Variants in REV3L observed in about 807,000 individuals in gnomAD.
The protein encoded by REV3L is DNA polymerase zeta catalytic subunit.
Under a neutral mutation model 299.4 loss-of-function variants are expected in REV3L, and 69 were observed. The observed-to-expected ratio is 0.23, with a 90% CI of 0.19 to 0.28. The LOEUF is 0.28. REV3L is among the 10% of genes least tolerant of loss of function. REV3L has a pLI of 1.00. For synonymous variants in REV3L, 1,238 were observed against 1,271.4 expected (o/e 0.97, Z 0.56); for missense variants, 3,128 against 3,693.8 (o/e 0.85, Z 3.97).
chr6:111,358,907 T>A lies in REV3L; in HGVS notation c.6987A>T (p.Ser2329=), dbSNP rs1369468348. 1.2e-6 allele frequency: 2 copies of A among 1,614,034 alleles called. No individual in the cohort carries two copies. The highest frequency in any genetic ancestry group is 2.2e-5 in the East Asian group (1 of 44,888). ...CTGTATCTGGCAGTGGAGTGTCAGA[T>A]GAGATGCAGTAGAACAGAGCACAGA... The part of the protein sequence containing the change: ...DPICALFYCI[S]SDTPLPDTEK... The change falls in exon 17 of 32, where the codon TCA becomes TCT. Residue 2329 remains serine (S), a synonymous_variant. Coordinates refer to ENST00000368802, the MANE Select transcript of REV3L (RefSeq NM_001372078.1).
chr6:111,408,652 A>AAAACAAAAC (rs1783910805), intron 3 of REV3L, among the ~76,000 whole-genome samples: 2 of 114,200 alleles, frequency 1.8e-5, no homozygotes, highest in East Asian at 2.9e-4. Context: ...CAAAACAAAA[A>AAAACAAAAC]CAACATTATT....
rs568488622 is a variant in REV3L at position 111,458,286 on chromosome 6, A to G, written c.139+24464T>C. On this transcript the variant is annotated intron_variant, in intron 1 of 31. Coordinates refer to ENST00000368802, the MANE Select transcript of REV3L (RefSeq NM_001372078.1). ...TCAATAAACTAGGTATCAAAGGAAT[A>G]TATCTAAGAGCCATTTATGACACAC... Among the ~76,000 whole-genome samples, 361 of 152,022 alleles carry G rather than the reference A, an allele frequency of 2.4e-3. 2 individuals carry two copies. Among genetic ancestry groups the G allele is most frequent in the African/African-American group, 8.5e-3 (353 of 41,534 alleles).
intron 4 of REV3L, among the ~76,000 whole-genome samples, chr6:111,399,673 C>G (rs1272697574): frequency 6.6e-6 from 1 of 151,902 alleles, no homozygotes; most frequent in Non-Finnish European, 1.5e-5. Flanking sequence ...CATGAGTAGA[C>G]TGGGGTTACG....
chr6:111,358,933 T>C lies in REV3L; in HGVS notation c.6961A>G (p.Ile2321Val), dbSNP rs1427404541. The change falls in exon 17 of 32, where the codon ATC becomes GTC. Residue 2321 changes from isoleucine (I) to valine (V), a missense_variant. Around this residue, in one of 9 missense-constraint regions of REV3L, gnomAD observed 82 missense variants for 142.7 expected, o/e 0.57. Transcript: ENST00000368802. ...GAGATGCAGTAGAACAGAGCACAGA[T>C]TGGGTCAAATTCAGGATCCGGTTCT... ...DLEPDPEFDP[I>V]CALFYCISSD... The C allele has an allele frequency of 2.5e-6, 4 of 1,614,058 alleles. No individual in the cohort carries two copies. Among genetic ancestry groups the C allele is most frequent in the East Asian group, 2.2e-5 (1 of 44,860 alleles).
intron 1 of REV3L, among the ~76,000 whole-genome samples, chr6:111,475,022 C>CACAT (rs1455168117): frequency 8.4e-5 from 12 of 142,650 alleles, no homozygotes; most frequent in African/African-American, 3.0e-4. Flanking sequence ...CACACACACA[C>CACAT]ATATGGATTT....
At chr6:111,444,402 TTTAAA>T (rs1031329066) in intron 1 of REV3L, among the ~76,000 whole-genome samples, 22 of 152,262 alleles carry the variant, frequency 1.4e-4, no homozygotes, top group African/African-American at 5.3e-4. Context: ...AAGCTATGAC[TTTAAA>T]TTAAAATGGC....
chr6:111,326,875 G>A (rs1317974438), intron 25 of REV3L, among the ~76,000 whole-genome samples: 4 of 151,058 alleles, frequency 2.6e-5, no homozygotes, highest in Non-Finnish European at 1.5e-5. Context: ...ACTTATTCAT[G>A]AGAGGCTCTT....
chr6:111,310,047 G>A lies in REV3L; in HGVS notation c.8848C>T (p.Pro2950Ser), dbSNP rs1390585234. The A allele has an allele frequency of 3.7e-6, 6 of 1,606,724 alleles. No individual in the cohort carries two copies. The highest frequency in any genetic ancestry group is 5.1e-6 in the Non-Finnish European group (6 of 1,176,056). ...GGGGTCCCATAAATGATGACGTATG[G>A]CACTCGCTCCCCAACCTGAGGCTCA... ...RSEPQVGERVPYVIIYGTPGV... is the reference protein window; with the variant it reads ...RSEPQVGERVSYVIIYGTPGV... Residue 2950 changes from proline (P) to serine (S), a missense_variant, in exon 30 of 32, where the codon CCA becomes TCA. Pro to Ser is a moderately conservative substitution (Grantham distance 74). Transcript: ENST00000368802.
rs1042312375 is a variant in REV3L, at chr6:111,456,448, T to C, written c.139+26302A>G. 2.6e-5 allele frequency among the ~76,000 whole-genome samples: 4 copies of C among 152,302 alleles called. 1 individual carries two copies. In the South Asian group the frequency reaches 8.3e-4, roughly 32 times the overall value. On this transcript the variant is annotated intron_variant, in intron 1 of 31. Coordinates refer to ENST00000368802, the MANE Select transcript of REV3L (RefSeq NM_001372078.1). The stretch of plus-strand genomic sequence containing the variant: ...TGAGGCTTTCTGCCAAAAAAGCAAA[T>C]GCTTCACGGATTTGGCTCCTTGTCT...
At chr6:111,482,665 GGCGTGTGC>G (rs1022115536) in intron 1 of REV3L, 77 bp downstream of exon 1, 84 of 855,920 alleles carry the variant, frequency 9.8e-5, no homozygotes, top group East Asian at 5.3e-4. Context: ...CGGCGCCGGT[GGCGTGTGC>G]GCGTGTGCGC....
At chr6:111,410,449 C>T (rs981743440) in intron 3 of REV3L, among the ~76,000 whole-genome samples, 1 of 152,038 alleles carries the variant, frequency 6.6e-6, no homozygotes, top group Admixed American at 6.5e-5. Context: ...AACTTGTGGA[C>T]GAGAAAGGGA....
intron 16 of REV3L, among the ~76,000 whole-genome samples, chr6:111,361,888 C>T (rs764662072): frequency 2.6e-5 from 4 of 152,072 alleles, no homozygotes; most frequent in African/African-American, 4.8e-5. Context: ...TGAGGAAAGC[C>T]GGTTATCGGG....
At chr6:111,358,737 A>G in intron 17 of REV3L, 85 bp downstream of exon 17, 2 of 1,044,038 alleles carry the variant, frequency 1.9e-6, no homozygotes, top group Non-Finnish European at 2.8e-6. Flanking sequence ...ATGCTTGCTT[A>G]GATTAGATCT....
chr6:111,404,765 C>T (rs17510613), intron 4 of REV3L, among the ~76,000 whole-genome samples: 37 of 152,266 alleles, frequency 2.4e-4, no homozygotes, highest in Admixed American at 8.5e-4. Context: ...ATAATATCAA[C>T]GGCTCTATAA....
At chr6:111,307,006 TGAGA>T (rs1772381838) in intron 31 of REV3L, among the ~76,000 whole-genome samples, 1 of 145,580 alleles carries the variant, frequency 6.9e-6, no homozygotes, top group Admixed American at 7.1e-5. Context: ...GCATTCCCTT[TGAGA>T]GTCACGTTGG....
At chr6:111,319,155 T>C (rs994313124) in intron 26 of REV3L, among the ~76,000 whole-genome samples, 2 of 152,172 alleles carry the variant, frequency 1.3e-5, no homozygotes, top group Admixed American at 1.3e-4. Context: ...AAGGTACATA[T>C]ACTTTACATC....
chr6:111,383,494 A>G (rs1781041396), intron 9 of REV3L, among the ~76,000 whole-genome samples: 1 of 152,216 alleles, frequency 6.6e-6, no homozygotes, highest in Non-Finnish European at 1.5e-5. Flanking sequence ...AGAAACCAAG[A>G]AAGTAATCCC....
chr6:111,377,906 T>C (rs1780472193), intron 11 of REV3L, 63 bp from the exon 12 acceptor site: 1 of 1,308,902 alleles, frequency 7.6e-7, no homozygotes, highest in Middle Eastern at 1.9e-4. Context: ...CAGATGCAAA[T>C]AATGCATCTA....
At chr6:111,387,401 T>C (rs954473184) in intron 9 of REV3L, among the ~76,000 whole-genome samples, 3 of 152,176 alleles carry the variant, frequency 2.0e-5, no homozygotes, top group Non-Finnish European at 4.4e-5. Context: ...CTGAATTTTA[T>C]GTTATATAAA....
Sources: allele counts gnomAD v4.1 joint callset (sites outside exome capture counted in the v4.1 genomes callset), GRCh38; gene constraint gnomAD v4.1.1; regional missense constraint gnomAD v4.1.1; transcripts MANE v1.5; gene names NCBI Gene and HGNC (gene_info 2026-07-23, HGNC 2026-07-21).